CRIM1: variants seen among roughly 807,000 people sequenced by gnomAD.
CRIM1 encodes cysteine-rich motor neuron 1 protein.
In CRIM1, 32 loss-of-function variants were observed where a neutral mutation model predicts 116.4. That is an observed-to-expected ratio of 0.27 (90% confidence interval 0.21 to 0.37). CRIM1 has a LOEUF of 0.37. Among genes scored for constraint, CRIM1 ranks in the 10% least tolerant of loss-of-function variants. The pLI is 1.00. For missense variants in CRIM1, 1,331 were observed against 1,354.8 expected (o/e 0.98, Z 0.28); for synonymous variants, 590 against 509.2 (o/e 1.16, Z -2.13).
intron 1 of CRIM1, among the ~76,000 whole-genome samples, chr2:36,385,748 T>G (rs1671123943): frequency 1.3e-5 from 2 of 152,194 alleles, no homozygotes; most frequent in African/African-American, 4.8e-5. Context: ...CTCACTTTCC[T>G]GTTTCTTCAG....
rs1378655014 is a variant in CRIM1, at chr2:36,476,808, C to G, written c.992-81C>G. On this transcript the variant is annotated intron_variant, in intron 5 of 16. Coordinates refer to ENST00000280527, the MANE Select transcript of CRIM1 (RefSeq NM_016441.3). ...CTTATAACCTCCTATTAGAAATTTT[C>G]TAGAGGCTGTTTGAAAAACATCAAA... is the stretch of plus-strand genomic sequence containing the variant. 3.4e-6 allele frequency: 4 copies of G among 1,179,140 alleles called. No homozygotes were observed. In the African/African-American group the frequency reaches 4.6e-5, roughly 14 times the overall value. 73.0% of individuals were successfully genotyped at this position (1,179,140 alleles called of 1,614,324 possible).
chr2:36,474,420 T>G (rs1678793904), intron 5 of CRIM1, among the ~76,000 whole-genome samples: 1 of 152,222 alleles, frequency 6.6e-6, no homozygotes, highest in African/African-American at 2.4e-5. Flanking sequence ...GATTAACTCT[T>G]ATGCTTCCTT....
At chr2:36,460,487 A>G (rs1677493289) in intron 4 of CRIM1, among the ~76,000 whole-genome samples, 1 of 152,248 alleles carries the variant, frequency 6.6e-6, no homozygotes, top group Non-Finnish European at 1.5e-5. Context: ...TTGTGAGTAT[A>G]AAACCACTGA....
intron 12 of CRIM1, among the ~76,000 whole-genome samples, chr2:36,517,869 C>T (rs2287082): frequency 1.3e-5 from 2 of 152,128 alleles, no homozygotes; most frequent in East Asian, 1.9e-4. Flanking sequence ...ATTAACCAAA[C>T]GATTCTGTTA....
intron 2 of CRIM1, among the ~76,000 whole-genome samples, chr2:36,406,097 G>A (rs998518574): frequency 6.6e-6 from 1 of 152,102 alleles, no homozygotes; most frequent in African/African-American, 2.4e-5. Context: ...TTCCTAATAT[G>A]TTATTGACTG....
chr2:36,489,767 C>T (rs1680089300), intron 7 of CRIM1, among the ~76,000 whole-genome samples: 1 of 152,118 alleles, frequency 6.6e-6, no homozygotes, highest in Non-Finnish European at 1.5e-5. Context: ...ATGAGTTTGC[C>T]CTTGTCCCTA....
chr2:36,380,973 A>T (rs1670703948), intron 1 of CRIM1, among the ~76,000 whole-genome samples: 1 of 152,020 alleles, frequency 6.6e-6, no homozygotes, highest in South Asian at 2.1e-4. Context: ...TCTCTTGCCC[A>T]CTCTGGAGAG....
chr2:36,362,089 T>C (rs1296636299), intron 1 of CRIM1, among the ~76,000 whole-genome samples: 1 of 152,092 alleles, frequency 6.6e-6, no homozygotes, highest in Non-Finnish European at 1.5e-5. Flanking sequence ...ACATATTCTT[T>C]GCTCTGTACA....
At chr2:36,439,200 T>A (rs1258404230) in intron 2 of CRIM1, among the ~76,000 whole-genome samples, 1 of 152,208 alleles carries the variant, frequency 6.6e-6, no homozygotes, top group Non-Finnish European at 1.5e-5. Context: ...GCATTAAGAC[T>A]CAACCCATCT....
chr2:36,541,548 C>T (rs534620494), intron 14 of CRIM1, among the ~76,000 whole-genome samples: 2 of 152,166 alleles, frequency 1.3e-5, no homozygotes, highest in Non-Finnish European at 2.9e-5. Flanking sequence ...CAAAAAAATG[C>T]TGACCTCAGC....
At chr2:36,431,779 C>G (rs537202710) in intron 2 of CRIM1, among the ~76,000 whole-genome samples, 115 of 152,310 alleles carry the variant, frequency 7.6e-4, no homozygotes, top group Admixed American at 2.0e-3. Context: ...GGAATATGTT[C>G]ATAGGAGACA....
chr2:36,498,965 A>G (rs1001616704), intron 7 of CRIM1, among the ~76,000 whole-genome samples: 11 of 152,236 alleles, frequency 7.2e-5, no homozygotes, highest in Admixed American at 5.9e-4. Flanking sequence ...TCAGAGAAGA[A>G]TTGTGTGAAG....
chr2:36,479,739 T>A (rs761989136), intron 7 of CRIM1, 45 bp downstream of exon 7: 1 of 1,558,262 alleles, frequency 6.4e-7, no homozygotes, highest in Non-Finnish European at 8.9e-7. Context: ...ATGTCTTCTG[T>A]TGGAGAAGCT....
At chr2:36,461,514 CAG>C (rs1677579225) in intron 4 of CRIM1, among the ~76,000 whole-genome samples, 1 of 152,190 alleles carries the variant, frequency 6.6e-6, no homozygotes, top group African/African-American at 2.4e-5. Context: ...GTGGAAAACA[CAG>C]AGAACAGGAA....
At chr2:36,490,071 T>A (rs1210998719) in intron 7 of CRIM1, among the ~76,000 whole-genome samples, 1 of 152,052 alleles carries the variant, frequency 6.6e-6, no homozygotes, top group Non-Finnish European at 1.5e-5. Context: ...AGACAAAAAA[T>A]GATGCTTAAG....
intron 8 of CRIM1, among the ~76,000 whole-genome samples, chr2:36,507,476 A>C (rs138962252): frequency 9.5e-4 from 145 of 152,318 alleles, no homozygotes; most frequent in Middle Eastern, 6.8e-3. Flanking sequence ...ACCAAATACC[A>C]TGGTTGTCCC....
intron 7 of CRIM1, among the ~76,000 whole-genome samples, chr2:36,485,729 A>G (rs1679766533): frequency 6.6e-6 from 1 of 152,352 alleles, no homozygotes; most frequent in African/African-American, 2.4e-5. Flanking sequence ...ATAGGGTCAC[A>G]TGTTATTAAC....
rs112423875 is a variant in CRIM1 at position 36,517,352 on chromosome 2, G to A, written c.2016G>A (p.Glu672=). 329 of 1,614,204 alleles carry A rather than the reference G, an allele frequency of 2.0e-4. No homozygotes were observed. The highest frequency in any genetic ancestry group is 2.6e-4 in the Non-Finnish European group (301 of 1,180,016). ...CADDFVVQKP[E]LSTPSICHAP... is the part of the protein sequence containing the mutation. ...ATGACTTTGTGGTGCAGAAGCCAGA[G>A]CTCAGTACTCCCTCCATTTGCCACG... Residue 672 remains glutamate, a synonymous_variant, in exon 12 of 17, where the codon GAG becomes GAA. Transcript: ENST00000280527.
At chr2:36,357,698 T>C (rs565117269) in intron 1 of CRIM1, among the ~76,000 whole-genome samples, 2 of 152,268 alleles carry the variant, frequency 1.3e-5, no homozygotes, top group South Asian at 2.1e-4. Context: ...ATGATGCTGT[T>C]CCGGGGGCAT....
Sources: gnomAD v4.1 joint callset for allele counts (sites outside exome capture counted in the v4.1 genomes callset) on GRCh38, gnomAD v4.1.1 for gene constraint, MANE v1.5 for transcripts, NCBI Gene and HGNC (gene_info 2026-07-23, HGNC 2026-07-21) for gene names.